FRG1: variants seen among roughly 807,000 people sequenced by gnomAD.
FRG1 encodes the protein FSHD region gene 1, also known as protein FRG1.
In FRG1, 19 loss-of-function variants were observed where a neutral mutation model predicts 37.0. The observed-to-expected ratio is 0.51, with a 90% CI of 0.36 to 0.75. The LOEUF is 0.75. Ranked by LOEUF, FRG1 falls within the 30% of genes least tolerant of loss-of-function variation. FRG1 has a pLI of 0.00. For missense variants in FRG1, 243 were observed against 301.4 expected (o/e 0.81, Z 1.44); for synonymous variants, 73 against 96.5 (o/e 0.76, Z 1.43).
chr4:189,943,279 C>T lies in FRG1; in HGVS notation c.133+7C>T, dbSNP rs1175987600. ...ACCCAGCTTGATATTGTTGGTGAGTCAGTTTTCAGTGCTCTATTCTGAAAA... is the reference window on the plus strand; with the variant it reads ...ACCCAGCTTGATATTGTTGGTGAGTTAGTTTTCAGTGCTCTATTCTGAAAA... On this transcript the variant is annotated splice_region_variant and intron_variant, in intron 2 of 8. Transcript: ENST00000226798. The T allele has an allele frequency of 6.2e-7, 1 of 1,603,946 alleles. No individual in the cohort carries two copies. The highest frequency in any genetic ancestry group is 1.1e-5 in the South Asian group (1 of 88,154).
intron 6 of FRG1, among the ~76,000 whole-genome samples, chr4:189,959,032 C>G (rs1489907470): frequency 6.6e-6 from 1 of 152,304 alleles, no homozygotes; most frequent in African/African-American, 2.4e-5. Context: ...GGGCAAGTGC[C>G]TTTTCTAAAA....
intron 5 of FRG1, 23 bp from the exon 6 acceptor site, chr4:189,957,375 A>G (rs1423664928): frequency 3.3e-6 from 5 of 1,508,196 alleles, no homozygotes; most frequent in Non-Finnish European, 2.7e-6. Context: ...CCTCATGGCT[A>G]TTTTGTTATT....
At chr4:189,962,242 A>G (rs1368655182) in intron 8 of FRG1, among the ~76,000 whole-genome samples, 1 of 152,200 alleles carries the variant, frequency 6.6e-6, no homozygotes, top group African/African-American at 2.4e-5. Context: ...TGACTAATAT[A>G]AAAATTATGT....
rs1178183560 is a variant in FRG1 at position 189,961,813 on chromosome 4, T to C, written c.630-9T>C. 4.1e-6 allele frequency: 5 copies of C among 1,211,336 alleles called. No homozygotes were observed. Among genetic ancestry groups the C allele is most frequent in the African/African-American group, 1.5e-5 (1 of 65,288 alleles). The allele number at this position is 1,211,336 out of a possible 1,614,324, so 75.0% of individuals were successfully genotyped here. On this transcript the variant is annotated splice_polypyrimidine_tract_variant and intron_variant, in intron 7 of 8. Coordinates refer to ENST00000226798, the MANE Select transcript of FRG1 (RefSeq NM_004477.3). ...GAGGTATTTTTCAATGAAGACATTT[T>C]CTTTACAGAAAGAAATTTCAGAGCT...
intron 2 of FRG1, among the ~76,000 whole-genome samples, chr4:189,944,879 G>A (rs891754525): frequency 6.6e-5 from 10 of 152,150 alleles, no homozygotes; most frequent in Non-Finnish European, 1.0e-4. Context: ...AATTTCTGCA[G>A]TGAAGTTTGT....
chr4:189,952,106 AAG>A (rs1174759692), intron 2 of FRG1, 54 bp from the exon 3 acceptor site: 2 of 1,319,102 alleles, frequency 1.5e-6, no homozygotes, highest in African/African-American at 1.5e-5. Context: ...TAACAAAAAA[AAG>A]AACTCTGTGT....
rs1449038524 is a variant in FRG1 at position 189,955,092 on chromosome 4, G to C, written c.373G>C (p.Val125Leu). ...TCTTGGTATAAATTCAGATGGACTT[G>C]TTGTTGGGCGTTCAGATGCAATTGG... ...KYLGINSDGLVVGRSDAIGPR... is the reference protein window; with the variant it reads ...KYLGINSDGLLVGRSDAIGPR... Residue 125 changes from valine to leucine, a missense_variant, in exon 5 of 9, where the codon GTT (valine) becomes CTT (leucine). Physicochemically the swap from Val to Leu is conservative, Grantham distance 32. This residue lies in a region of FRG1 where 133 missense variants were observed against 199.3 expected (regional missense o/e 0.67). Transcript: ENST00000226798. 3.1e-6 allele frequency: 5 copies of C among 1,613,630 alleles called. No homozygotes were observed. Among genetic ancestry groups the C allele is most frequent in the Non-Finnish European group, 4.2e-6 (5 of 1,179,618 alleles).
At chr4:189,946,673 T>G (rs1579621426) in intron 2 of FRG1, among the ~76,000 whole-genome samples, 1 of 152,204 alleles carries the variant, frequency 6.6e-6, no homozygotes, top group South Asian at 2.1e-4. Flanking sequence ...CATGGACACG[T>G]GAGTTATTTA....
At chr4:189,953,173 T>G (rs548982575) in intron 4 of FRG1, 48 bp downstream of exon 4, 1 of 1,512,506 alleles carries the variant, frequency 6.6e-7, no homozygotes, top group South Asian at 1.3e-5. Context: ...TTTAAAAATT[T>G]AATTGTATTC....
chr4:189,943,615 A>C (rs2126797626), intron 2 of FRG1, among the ~76,000 whole-genome samples: 1 of 152,324 alleles, frequency 6.6e-6, no homozygotes, highest in African/African-American at 2.4e-5. Context: ...TATGCATTTT[A>C]ATTGTAGAAG....
chr4:189,941,113 C>A (rs369374881), intron 1 of FRG1, 42 bp downstream of exon 1: 4 of 1,550,644 alleles, frequency 2.6e-6, no homozygotes, highest in South Asian at 2.2e-5. Context: ...CCGTTCTTTT[C>A]GGACGCACTC....
At chr4:189,946,042 A>G (rs1647662933) in intron 2 of FRG1, among the ~76,000 whole-genome samples, 1 of 152,230 alleles carries the variant, frequency 6.6e-6, no homozygotes, top group South Asian at 2.1e-4. Context: ...AGAATTGTTC[A>G]GAATATTCCT....
chr4:189,961,496 T>G (rs79806655), intron 7 of FRG1: 3 of 171,958 alleles, frequency 1.7e-5, no homozygotes, highest in Non-Finnish European at 2.4e-5. Context: ...CAACCTCCGC[T>G]TCCCAGGTTC....
intron 2 of FRG1, among the ~76,000 whole-genome samples, chr4:189,946,308 A>C (rs1458219012): frequency 2.2e-5 from 3 of 135,578 alleles, no homozygotes; most frequent in Non-Finnish European, 3.2e-5. Context: ...TAAGCTGATA[A>C]GCCAAAAAAA....
At chr4:189,944,523 A>C (rs1736447678) in intron 2 of FRG1, among the ~76,000 whole-genome samples, 1 of 152,030 alleles carries the variant, frequency 6.6e-6, no homozygotes, top group Non-Finnish European at 1.5e-5. Flanking sequence ...TGTCTTTTAG[A>C]GGCATCATAG....
intron 2 of FRG1, among the ~76,000 whole-genome samples, chr4:189,949,859 TTG>T (rs962538787): frequency 6.6e-6 from 1 of 152,162 alleles, no homozygotes; most frequent in Non-Finnish European, 1.5e-5. Flanking sequence ...TCCATTGGTT[TTG>T]TGTGTGTGTG....
intron 4 of FRG1, among the ~76,000 whole-genome samples, 190 bp from the exon 5 acceptor site, chr4:189,954,847 G>C (rs368876255): frequency 6.6e-6 from 1 of 151,936 alleles, no homozygotes; most frequent in Non-Finnish European, 1.5e-5. Context: ...TCTCCCGTTG[G>C]CTTCCCAAAG....
chr4:189,942,898 A>T (rs574769679), intron 1 of FRG1, among the ~76,000 whole-genome samples: 7 of 152,282 alleles, frequency 4.6e-5, no homozygotes, highest in Admixed American at 2.0e-4. Context: ...TAATTTTTTA[A>T]GTGGGGAAAC....
intron 6 of FRG1, among the ~76,000 whole-genome samples, chr4:189,958,538 G>A (rs1477237135): frequency 2.0e-5 from 3 of 152,172 alleles, no homozygotes; most frequent in Non-Finnish European, 4.4e-5. Flanking sequence ...TTTAAAATTT[G>A]TGTGCGTCAC....
Sources: allele counts gnomAD v4.1 joint callset (sites outside exome capture counted in the v4.1 genomes callset), GRCh38; gene constraint gnomAD v4.1.1; regional missense constraint gnomAD v4.1.1; transcripts MANE v1.5; gene names NCBI Gene and HGNC (gene_info 2026-07-23, HGNC 2026-07-21).